Variants in GALNT17 observed in about 807,000 individuals in gnomAD.
GALNT17 encodes the protein UDP-GalNAc:polypeptide N-acetylgalactosaminyltransferase-like 3.
In GALNT17, 29 loss-of-function variants were observed where a neutral mutation model predicts 63.7. That is an observed-to-expected ratio of 0.46 (90% confidence interval 0.34 to 0.62). The LOEUF (loss-of-function observed/expected upper bound fraction) is 0.62, where lower values mean the gene tolerates loss of function less well. GALNT17 is among the 20% of genes least tolerant of loss of function. GALNT17 has a pLI of 0.01. For missense variants in GALNT17, 603 were observed against 799.6 expected, an observed-to-expected ratio of 0.75 and a Z score of 2.97; for synonymous variants, 305 against 318.3, an observed-to-expected ratio of 0.96 and a Z score of 0.45.
intron 3 of GALNT17, among the ~76,000 whole-genome samples, chr7:71,397,659 T>C (rs908201069): frequency 5.9e-5 from 9 of 152,224 alleles, no homozygotes; most frequent in Admixed American, 5.2e-4. Flanking sequence ...CCTCTGTGGC[T>C]GTGCGTTGTT....
chr7:71,460,288 G>A (rs1583974199), intron 5 of GALNT17, among the ~76,000 whole-genome samples: 2 of 152,036 alleles, frequency 1.3e-5, no homozygotes, highest in South Asian at 2.1e-4. Flanking sequence ...CATAGGAGTG[G>A]GAGGGAAAAG....
At chr7:71,591,678 T>C (rs1789803915) in intron 6 of GALNT17, among the ~76,000 whole-genome samples, 1 of 152,184 alleles carries the variant, frequency 6.6e-6, no homozygotes, top group Admixed American at 6.5e-5. Context: ...TTTGTTTGTT[T>C]TTGAGACAGA....
intron 1 of GALNT17, among the ~76,000 whole-genome samples, chr7:71,265,889 C>G (rs764112736): frequency 2.6e-5 from 4 of 152,286 alleles, no homozygotes; most frequent in Non-Finnish European, 4.4e-5. Flanking sequence ...AAACACCACA[C>G]ATTTATTCTT....
At chr7:71,670,171 G>T (rs575676835) in intron 8 of GALNT17, 62 bp downstream of exon 8, 2 of 1,605,140 alleles carry the variant, frequency 1.2e-6, no homozygotes, top group African/African-American at 2.7e-5. Context: ...GGGTTGCTTC[G>T]CTGGGGAGAA....
At chr7:71,220,876 A>G (rs1050402800) in intron 1 of GALNT17, among the ~76,000 whole-genome samples, 2 of 152,148 alleles carry the variant, frequency 1.3e-5, no homozygotes, top group East Asian at 1.9e-4. Flanking sequence ...CTGGTGTTCA[A>G]TACACCCCCC....
chr7:71,711,186 G>A (rs1317730629), intron 10 of GALNT17, among the ~76,000 whole-genome samples: 1 of 152,034 alleles, frequency 6.6e-6, no homozygotes, highest in African/African-American at 2.4e-5. Flanking sequence ...GAGTGAGGGG[G>A]GACTTCCTTG....
chr7:71,318,518 C>G (rs1161174306), intron 1 of GALNT17, among the ~76,000 whole-genome samples: 1 of 149,824 alleles, frequency 6.7e-6, no homozygotes, highest in Non-Finnish European at 1.5e-5. Context: ...CTCCTGGGTT[C>G]AAGCGACTCT....
chr7:71,447,687 T>C (rs930165907), intron 5 of GALNT17, among the ~76,000 whole-genome samples: 1 of 152,220 alleles, frequency 6.6e-6, no homozygotes, highest in Non-Finnish European at 1.5e-5. Context: ...CCACATGGTA[T>C]ACTTTGGTTA....
chr7:71,185,850 A>T (rs1788841482), intron 1 of GALNT17, among the ~76,000 whole-genome samples: 1 of 152,176 alleles, frequency 6.6e-6, no homozygotes, highest in Non-Finnish European at 1.5e-5. Context: ...TATCTGCAAA[A>T]TGCAGCTAAT....
At chr7:71,193,066 C>CATTTATTTATTT (rs138751530) in intron 1 of GALNT17, among the ~76,000 whole-genome samples, 1 of 140,590 alleles carries the variant, frequency 7.1e-6, no homozygotes, top group Non-Finnish European at 1.5e-5. Context: ...CATCATCTAC[C>CATTTATTTATTT]ATTTATTTAT....
chr7:71,197,138 A>G (rs1789066017), intron 1 of GALNT17, among the ~76,000 whole-genome samples: 4 of 142,304 alleles, frequency 2.8e-5, no homozygotes, highest in Admixed American at 2.8e-4. Flanking sequence ...ATACTCTTTT[A>G]GTTATTTTAA....
chr7:71,233,469 A>G (rs1297980085), intron 1 of GALNT17, among the ~76,000 whole-genome samples: 1 of 152,224 alleles, frequency 6.6e-6, no homozygotes, highest in Non-Finnish European at 1.5e-5. Flanking sequence ...TAGAAGGCCA[A>G]TGAATTAAAT....
rs1320744359 is a variant in GALNT17, at chr7:71,393,554, CT to C, written c.589+5163del. ...AGTGTAAAGCATAATCAGTGCCCCC[CT>C]TTTTTTTTTATTAAAAAATCTCTGC... On this transcript the variant is annotated intron_variant, in intron 3 of 10. Coordinates refer to ENST00000333538, the MANE Select transcript of GALNT17 (RefSeq NM_022479.3). Among the ~76,000 whole-genome samples the C allele has an allele frequency of 2.4e-3, 359 of 148,324 alleles. 3 individuals carry two copies. Among genetic ancestry groups the C allele is most frequent in the African/African-American group, 6.2e-3 (250 of 40,518 alleles).
At chr7:71,708,273 G>C (rs1232564224) in intron 9 of GALNT17, among the ~76,000 whole-genome samples, 2 of 152,152 alleles carry the variant, frequency 1.3e-5, no homozygotes, top group East Asian at 1.9e-4. Flanking sequence ...ACATGGCTGA[G>C]GAGGCCTCGC....
intron 6 of GALNT17, among the ~76,000 whole-genome samples, chr7:71,617,756 C>CCTCA (rs1430186609): frequency 1.3e-5 from 2 of 152,096 alleles, no homozygotes; most frequent in Non-Finnish European, 2.9e-5. Flanking sequence ...ACTTCCCCTG[C>CCTCA]CTCAGCCTCC....
intron 3 of GALNT17, among the ~76,000 whole-genome samples, chr7:71,406,668 T>A (rs1315614378): frequency 1.3e-5 from 2 of 152,102 alleles, no homozygotes; most frequent in Non-Finnish European, 2.9e-5. Context: ...TAGGGCTGCT[T>A]TTATACATTT....
chr7:71,576,294 G>A (rs543624311), intron 6 of GALNT17, among the ~76,000 whole-genome samples: 1 of 152,268 alleles, frequency 6.6e-6, no homozygotes, highest in East Asian at 1.9e-4. Flanking sequence ...CTGAATAAAA[G>A]GCAGAATTCT....
At chr7:71,173,935 A>T (rs1348765179) in intron 1 of GALNT17, among the ~76,000 whole-genome samples, 1 of 152,188 alleles carries the variant, frequency 6.6e-6, no homozygotes, top group Non-Finnish European at 1.5e-5. Flanking sequence ...TGTTGAATAT[A>T]TGAGTGCACT....
intron 2 of GALNT17, among the ~76,000 whole-genome samples, chr7:71,341,546 C>T (rs538124217): frequency 1.3e-5 from 2 of 152,128 alleles, no homozygotes; most frequent in Non-Finnish European, 2.9e-5. Flanking sequence ...GTCCTGAAAG[C>T]TTTCAGAGAA....
Sources: gnomAD v4.1 joint callset for allele counts (sites outside exome capture counted in the v4.1 genomes callset) on GRCh38, gnomAD v4.1.1 for gene constraint, MANE v1.5 for transcripts, NCBI Gene and HGNC (gene_info 2026-07-23, HGNC 2026-07-21) for gene names.